The following WDR87 variants were observed in gnomAD, a reference collection of about 807,000 sequenced individuals.
WDR87 encodes WD repeat-containing protein 87.
A neutral mutation model predicts 83.3 loss-of-function variants in WDR87; 56 were observed. That is an observed-to-expected ratio of 0.67 (90% confidence interval 0.54 to 0.84). The LOEUF (loss-of-function observed/expected upper bound fraction) is 0.84. Among genes scored for constraint, WDR87 ranks in the 40% least tolerant of loss-of-function variants. WDR87 has a pLI of 0.00. For missense variants in WDR87, 2,939 were observed against 3,431.9 expected, an observed-to-expected ratio of 0.86 and a Z score of 3.59; for synonymous variants, 1,173 against 1,250.6, an observed-to-expected ratio of 0.94 and a Z score of 1.31.
Position 37,887,103 on chromosome 19 carries a change from T to C in WDR87, c.6568A>G (p.Arg2190Gly). The change falls in exon 6 of 6, where the codon AGA becomes GGA. Residue 2190 changes from arginine to glycine, a missense_variant. Around this residue, in one of 3 missense-constraint regions of WDR87, gnomAD observed 2,160 missense variants for 2,533.1 expected, o/e 0.85. Transcript: ENST00000447313. Reference protein sequence around the residue: ...RKQRKLANKMRRMINKEEKMT... With the variant: ...RKQRKLANKMGRMINKEEKMT... ...TTTTCTTCTTTGTTTATCATTCTTC[T>C]CATTTTGTTGGCCAGTTTTCTCTGC... 1.3e-6 allele frequency: 2 copies of C among 1,550,106 alleles called. No homozygotes were observed. The highest frequency in any genetic ancestry group is 8.7e-7 in the Non-Finnish European group (1 of 1,146,718).
chr19:37,899,162 C>A (rs1302588160), intron 1 of WDR87, among the ~76,000 whole-genome samples: 1 of 152,040 alleles, frequency 6.6e-6, no homozygotes, highest in Non-Finnish European at 1.5e-5. Flanking sequence ...CTCACGCCTG[C>A]AATCCCAGCC....
In WDR87 at chr19:37,886,407, G is replaced by C; in HGVS notation, c.7264C>G (p.Leu2422Val). The stretch of plus-strand genomic sequence containing the variant: ...TTCAAAGGGCTTTTTAGAACTCCTA[G>C]TCTTATAGCCCTGCCTTTGCCATGA... ...VPHGKGRAIRLGVLKSPLKKL... is the reference protein window; with the variant it reads ...VPHGKGRAIRVGVLKSPLKKL... Residue 2422 changes from leucine (L) to valine (V), a missense_variant, in exon 6 of 6, where the codon CTA becomes GTA. Around this residue, in one of 3 missense-constraint regions of WDR87, gnomAD observed 2,160 missense variants for 2,533.1 expected, o/e 0.85. Coordinates refer to ENST00000447313, the MANE Select transcript of WDR87 (RefSeq NM_001291088.2). 6.5e-7 allele frequency: 1 copy of C among 1,543,284 alleles called. No individual in the cohort carries two copies. Among genetic ancestry groups the C allele is most frequent in the Non-Finnish European group, 8.7e-7 (1 of 1,144,802 alleles).
chr19:37,895,270 T>C lies in WDR87; in HGVS notation c.433A>G (p.Lys145Glu). 1 of 1,551,734 alleles carries C rather than the reference T, an allele frequency of 6.4e-7. No homozygotes were observed. The highest frequency in any genetic ancestry group is 1.2e-5 in the South Asian group (1 of 84,062). Residue 145 changes from lysine (K) to glutamate (E), a missense_variant, in exon 4 of 6, where the codon AAA becomes GAA. This residue lies in a region of WDR87 where 226 missense variants were observed against 320.9 expected (regional missense o/e 0.70). Transcript: ENST00000447313. Reference sequence around the variant, plus strand: ...CTGATGTTGAAGCGGCAGGGCACTTTACCCAGGGGTTTGAATGCCCGAAAG... The same window carrying C: ...CTGATGTTGAAGCGGCAGGGCACTTCACCCAGGGGTTTGAATGCCCGAAAG... ...DHFRAFKPLGKVPCRFNISCL... is the reference protein window; with the variant it reads ...DHFRAFKPLGEVPCRFNISCL...
Position 37,893,524 on chromosome 19 carries a change from T to A in WDR87, c.2179A>T (p.Lys727Ter). 2 of 1,551,800 alleles carry A rather than the reference T, an allele frequency of 1.3e-6. No individual in the cohort carries two copies. Among genetic ancestry groups the A allele is most frequent in the Non-Finnish European group, 1.7e-6 (2 of 1,147,036 alleles). The change falls in exon 4 of 6, where the codon AAA (lysine) becomes TAA (stop). Residue 727 changes from lysine (K) to a stop codon, truncating the protein, a stop_gained. Transcript: ENST00000447313. LOFTEE classifies it high-confidence loss of function. Reference sequence around the variant, plus strand: ...ACAAGTTTCTCCAGACCCACTAATTTCTGTTGCGCTTGTCCAGGGTAGATG... The same window carrying A: ...ACAAGTTTCTCCAGACCCACTAATTACTGTTGCGCTTGTCCAGGGTAGATG... ...KYIYPGQAQQ[K>*]LVGLEKLVNN...
chr19:37,899,139 C>T (rs1437823402), intron 1 of WDR87, among the ~76,000 whole-genome samples: 1 of 152,060 alleles, frequency 6.6e-6, no homozygotes, highest in Non-Finnish European at 1.5e-5. Context: ...AGGGTTTTGG[C>T]TGGGCACCGT....
In WDR87 at chr19:37,895,324, C is replaced by T. The variant is rs1483908832; in HGVS notation, c.379G>A (p.Asp127Asn). 1.9e-6 allele frequency: 3 copies of T among 1,551,734 alleles called. No homozygotes were observed. Among genetic ancestry groups the T allele is most frequent in the Non-Finnish European group, 2.6e-6 (3 of 1,147,004 alleles). The change falls in exon 4 of 6, where the codon GAC (aspartate) becomes AAC (asparagine). Residue 127 changes from aspartate to asparagine, a missense_variant. Transcript: ENST00000447313. ...TCCCCAAAGAGTCGCAGGATCAGGT[C>T]ACCACAGTAGACCACGAGGATATGA... ...SFHILVVYCG[D>N]LILRLFGDHF...
Position 37,888,242 on chromosome 19 carries a change from G to A in WDR87, c.5429C>T (p.Ala1810Val). 6.4e-7 allele frequency: 1 copy of A among 1,551,934 alleles called. No individual in the cohort carries two copies. The highest frequency in any genetic ancestry group is 8.7e-7 in the Non-Finnish European group (1 of 1,147,080). ...CTGGATCAGCAACTCTTCTTCCTGG[G>A]CCAGTTTTGTCTCTTCTTCAGACAG... is the stretch of plus-strand genomic sequence containing the variant. Reference protein sequence around the residue: ...EKLSEEETKLAQEEELLIQEK... With the variant: ...EKLSEEETKLVQEEELLIQEK... Residue 1810 changes from alanine to valine, a missense_variant, in exon 6 of 6, where the codon GCC becomes GTC. Around this residue, in one of 3 missense-constraint regions of WDR87, gnomAD observed 2,160 missense variants for 2,533.1 expected, o/e 0.85. Transcript: ENST00000447313.
Position 37,893,120 on chromosome 19 carries a change from GA to G in WDR87, c.2582del (p.Phe861SerfsTer8), listed in dbSNP as rs964413925. 6.4e-7 allele frequency: 1 copy of G among 1,551,676 alleles called. No homozygotes were observed. The highest frequency in any genetic ancestry group is 1.4e-5 in the African/African-American group (1 of 73,064). On this transcript the variant is annotated frameshift_variant, in exon 4 of 6. Coordinates refer to ENST00000447313, the MANE Select transcript of WDR87 (RefSeq NM_001291088.2). LOFTEE classifies it high-confidence loss of function. ...CTCTTACCCTGCTGTGCCAGAAAAAGAATTCTTGAGACCTGTCCCATTCCAG... is the reference window on the plus strand; with the variant it reads ...CTCTTACCCTGCTGTGCCAGAAAAAGATTCTTGAGACCTGTCCCATTCCAG... ...RELEWDRSQE[F>X]FFWHSRVRAI...
At position 37,893,290 on chromosome 19, in the gene WDR87, T is replaced by C; in HGVS notation, c.2413A>G (p.Ile805Val). ...TSWDGLNPYQ[I>V]LRYYFGHGRE... ...CCATGACCAAAGTAGTATCGCAATA[T>C]CTGATAGGGGTTGAGTCCATCCCAG... The change falls in exon 4 of 6, where the codon ATA becomes GTA. Residue 805 changes from isoleucine to valine, a missense_variant. Ile to Val is a conservative substitution (Grantham distance 29). Coordinates refer to ENST00000447313, the MANE Select transcript of WDR87 (RefSeq NM_001291088.2). The C allele has an allele frequency of 6.4e-7, 1 of 1,551,720 alleles. No individual in the cohort carries two copies. The highest frequency in any genetic ancestry group is 8.7e-7 in the Non-Finnish European group (1 of 1,146,976).
Position 37,890,241 on chromosome 19 carries a change from C to G in WDR87, c.3430G>C (p.Glu1144Gln). ...KWLRGLKKTKERDSKQMSTEP... is the reference protein window; with the variant it reads ...KWLRGLKKTKQRDSKQMSTEP... ...GTGCTCATCTGTTTAGAGTCTCTCT[C>G]TTTCGTCTTCTTGAGACCCCGCAAC... Residue 1144 changes from glutamate (E) to glutamine (Q), a missense_variant, in exon 6 of 6, where the codon GAG becomes CAG. Physicochemically the swap from Glu to Gln is conservative, Grantham distance 29. Around this residue, in one of 3 missense-constraint regions of WDR87, gnomAD observed 2,160 missense variants for 2,533.1 expected, o/e 0.85. Transcript: ENST00000447313. 6.5e-7 allele frequency: 1 copy of G among 1,541,862 alleles called. No homozygotes were observed. The highest frequency in any genetic ancestry group is 8.8e-7 in the Non-Finnish European group (1 of 1,141,286).
In WDR87 at chr19:37,885,432, T is replaced by TG; in HGVS notation, c.8238dup (p.Lys2747GlnfsTer11). The TG allele has an allele frequency of 6.4e-7, 1 of 1,551,826 alleles. No individual in the cohort carries two copies. Among genetic ancestry groups the TG allele is most frequent in the South Asian group, 1.2e-5 (1 of 84,070 alleles). ...ATGGGCTGTGTCTTCTTCTCTAACT[T>TG]GGGCAGTTTAGGAAACCTGCGTTTA... On this transcript the variant is annotated frameshift_variant, in exon 6 of 6. Transcript: ENST00000447313. LOFTEE classifies it low-confidence loss of function (END_TRUNC).
In WDR87 at chr19:37,895,165, C is replaced by T; in HGVS notation, c.538G>A (p.Gly180Ser). The change falls in exon 4 of 6, where the codon GGT becomes AGT. Residue 180 changes from glycine to serine, a missense_variant. Transcript: ENST00000447313. ...GAVVTWVIEL[G>S]GTGLQIAHMV... ...TGGGCTATTTGGAGGCCCGTGCCAC[C>T]TAGCTCAATGACCCAGGTCACCACT... 1 of 1,551,708 alleles carries T rather than the reference C, an allele frequency of 6.4e-7. No individual in the cohort carries two copies. Among genetic ancestry groups the T allele is most frequent in the Non-Finnish European group, 8.7e-7 (1 of 1,147,012 alleles).
Position 37,889,303 on chromosome 19 carries a change from CT to C in WDR87, c.4367del (p.Lys1456ArgfsTer4). On this transcript the variant is annotated frameshift_variant, in exon 6 of 6. Coordinates refer to ENST00000447313, the MANE Select transcript of WDR87 (RefSeq NM_001291088.2). LOFTEE classifies it low-confidence loss of function (END_TRUNC). ...CCCTCTCTTCTTTGGTCATTTCCCT[CT>C]TTATTTTTCCTACTTTTCTTTCCTT... ...VQKERKVGKIKREMTKEERDM... is the reference protein window; with the variant it reads ...VQKERKVGKIXREMTKEERDM... The C allele has an allele frequency of 6.4e-7, 1 of 1,551,844 alleles. No homozygotes were observed. The highest frequency in any genetic ancestry group is 8.7e-7 in the Non-Finnish European group (1 of 1,147,040).
At chr19:37,901,135 T>A (rs2046291327) in intron 1 of WDR87, among the ~76,000 whole-genome samples, 2 of 149,786 alleles carry the variant, frequency 1.3e-5, no homozygotes, top group South Asian at 2.1e-4. Flanking sequence ...CAAAATCCTG[T>A]CTTAAAAAAA....
Position 37,906,500 on chromosome 19 carries a change from T to G in WDR87, c.-48A>C, listed in dbSNP as rs982829890. Reference sequence around the variant, plus strand: ...CAAAGCATTGGCTGCGCCTGTTACCTGCGACAGGATTCCCGACAAGGGACG... The same window carrying G: ...CAAAGCATTGGCTGCGCCTGTTACCGGCGACAGGATTCCCGACAAGGGACG... On this transcript the variant is annotated splice_region_variant and 5_prime_UTR_variant, in exon 1 of 6. Coordinates refer to ENST00000447313, the MANE Select transcript of WDR87 (RefSeq NM_001291088.2). 7 of 152,110 alleles carry G rather than the reference T, an allele frequency of 4.6e-5. No homozygotes were observed. The highest frequency in any genetic ancestry group is 3.3e-4 in the Admixed American group (5 of 15,286). The allele number at this position is 152,110 out of a possible 1,614,324, so 9.4% of individuals were successfully genotyped here.
rs2046227162 is a variant in WDR87, at chr19:37,893,630, T to C, written c.2073A>G (p.Ile691Met). 2.6e-6 allele frequency: 4 copies of C among 1,552,124 alleles called. No individual in the cohort carries two copies. The East Asian group carries it at 9.8e-5, about 38-fold the overall frequency. Residue 691 changes from isoleucine (I) to methionine (M), a missense_variant, in exon 4 of 6, where the codon ATA becomes ATG. By Grantham distance (10) the Ile-to-Met change is conservative. Around this residue, in one of 3 missense-constraint regions of WDR87, gnomAD observed 553 missense variants for 577.9 expected, o/e 0.96. Transcript: ENST00000447313. ...TAGGGACTTCCAGTACTTCATCTGA[T>C]ATGCTCATAAAGGAAAGGCGAGTCA... is the stretch of plus-strand genomic sequence containing the variant. Reference protein sequence around the residue: ...ALLTRLSFMSISDEVLEVPKP... With the variant: ...ALLTRLSFMSMSDEVLEVPKP...
Position 37,886,058 on chromosome 19 carries a change from A to G in WDR87, c.7613T>C (p.Met2538Thr). The change falls in exon 6 of 6, where the codon ATG (methionine) becomes ACG (threonine). Residue 2538 changes from methionine (M) to threonine (T), a missense_variant. Met to Thr is a moderately conservative substitution (Grantham distance 81). Coordinates refer to ENST00000447313, the MANE Select transcript of WDR87 (RefSeq NM_001291088.2). ...AGGTAACTGTACCTCAGTCTGTCCC[A>G]TCAGAGGTGGATGCTGCAAAAACCA... The part of the protein sequence containing the change: ...WKWFLQHPPL[M>T]GQTEVQLPLS... 6.4e-7 allele frequency: 1 copy of G among 1,551,770 alleles called. No individual in the cohort carries two copies. The highest frequency in any genetic ancestry group is 8.7e-7 in the Non-Finnish European group (1 of 1,147,000).
chr19:37,901,886 T>A (rs911954881), intron 1 of WDR87, among the ~76,000 whole-genome samples: 29 of 151,954 alleles, frequency 1.9e-4, no homozygotes, highest in Non-Finnish European at 4.3e-4. Flanking sequence ...GCTAATTTTT[T>A]AAAAACTTTT....
rs2145420883 is a variant in WDR87, at chr19:37,888,470, T to A, written c.5201A>T (p.Gln1734Leu). 1 of 1,552,088 alleles carries A rather than the reference T, an allele frequency of 6.4e-7. No homozygotes were observed. The highest frequency in any genetic ancestry group is 1.7e-4 in the Middle Eastern group (1 of 5,996). Residue 1734 changes from glutamine (Q) to leucine (L), a missense_variant, in exon 6 of 6, where the codon CAG (glutamine) becomes CTG (leucine). This residue lies in a region of WDR87 where 2,160 missense variants were observed against 2,533.1 expected (regional missense o/e 0.85). Transcript: ENST00000447313. ...CCTCTGGGGCAGTTCTTCCACTTTC[T>A]GGGCCAATATGTTTTTCACCTCAGC... ...KLAEVKNILA[Q>L]KVEELPQREQ...
Sources: gnomAD v4.1 joint callset for allele counts (sites outside exome capture counted in the v4.1 genomes callset) on GRCh38, gnomAD v4.1.1 for gene constraint, gnomAD v4.1.1 regional missense constraint, MANE v1.5 for transcripts, NCBI Gene and HGNC (gene_info 2026-07-23, HGNC 2026-07-21) for gene names.